Variants in TAS1R1 observed in about 807,000 individuals in gnomAD.
The protein encoded by TAS1R1 is taste receptor type 1 member 1.
A neutral mutation model predicts 45.8 loss-of-function variants in TAS1R1; 31 were observed. The ratio of observed to expected loss-of-function variants is 0.68; its 90% confidence interval spans 0.51 to 0.91. The LOEUF (loss-of-function observed/expected upper bound fraction) is 0.91. Ranked by LOEUF, TAS1R1 falls within the 40% of genes least tolerant of loss-of-function variation. The pLI, the probability that TAS1R1 is intolerant of heterozygous loss-of-function variation, is 0.00. For missense variants in TAS1R1, 1,051 were observed against 1,063.9 expected, an observed-to-expected ratio of 0.99 and a Z score of 0.17; for synonymous variants, 437 against 448.4, an observed-to-expected ratio of 0.97 and a Z score of 0.32.
intron 1 of TAS1R1, among the ~76,000 whole-genome samples, chr1:6,558,591 G>A (rs1413072619): frequency 6.6e-6 from 1 of 152,038 alleles, no homozygotes; most frequent in East Asian, 1.9e-4. Context: ...TTAGTGGCTG[G>A]TGCCTGTAAT....
At chr1:6,564,422 G>A (rs1323450519) in intron 1 of TAS1R1, among the ~76,000 whole-genome samples, 4 of 152,138 alleles carry the variant, frequency 2.6e-5, no homozygotes, top group African/African-American at 4.8e-5. Flanking sequence ...TTTGTAAGAG[G>A]AAAGGGCGTC....
chr1:6,579,624 C>T lies in TAS1R1; in HGVS notation c.*40C>T, dbSNP rs1460835383. ...GGCACGGCTGGCAGCCTTCTCTGCC[C>T]TGAGGGTCGAAGGTCGAGCAGGCCG... On this transcript the variant is annotated 3_prime_UTR_variant, in exon 6 of 6. Transcript: ENST00000333172. The T allele has an allele frequency of 6.4e-7, 1 of 1,567,276 alleles. No homozygotes were observed. The highest frequency in any genetic ancestry group is 8.6e-7 in the Non-Finnish European group (1 of 1,161,630).
chr1:6,579,008 A>G lies in TAS1R1; in HGVS notation c.1950A>G (p.Thr650=). Residue 650 remains threonine, a synonymous_variant, in exon 6 of 6, where the codon ACA becomes ACG. Coordinates refer to ENST00000333172, the MANE Select transcript of TAS1R1 (RefSeq NM_138697.4). ...TCACCATCTTCCTGTCCTGCCTGAC[A>G]GTTCGCTCATTCCAACTAATCATCA... ...LGFTIFLSCL[T]VRSFQLIIIF... The G allele has an allele frequency of 6.2e-7, 1 of 1,613,840 alleles. No individual in the cohort carries two copies.
chr1:6,562,229 C>T (rs7412903), intron 1 of TAS1R1, among the ~76,000 whole-genome samples: 70,229 of 152,158 alleles, frequency 0.46, 18,888 homozygotes, highest in Admixed American at 0.61. Context: ...AGTGTAATGC[C>T]GAGATCCCGG....
Position 6,574,671 on chromosome 1 carries a change from G to T in TAS1R1, c.539G>T (p.Arg180Leu), listed in dbSNP as rs149469671. 1 of 1,613,012 alleles carries T rather than the reference G, an allele frequency of 6.2e-7. No individual in the cohort carries two copies. The highest frequency in any genetic ancestry group is 1.3e-5 in the African/African-American group (1 of 74,922). The part of the protein sequence containing the change: ...AASSETLSVK[R>L]QYPSFLRTIP... ...AGCAGCGAGACGCTCAGCGTGAAGCGGCAGTATCCCTCTTTCCTGCGCACC... is the reference window on the plus strand; with the variant it reads ...AGCAGCGAGACGCTCAGCGTGAAGCTGCAGTATCCCTCTTTCCTGCGCACC... The change falls in exon 3 of 6, where the codon CGG becomes CTG. Residue 180 changes from arginine to leucine, a missense_variant. Transcript: ENST00000333172. The surrounding 1 kb of genome is among the most constrained non-coding windows in gnomAD (Gnocchi z 4.3).
At chr1:6,573,882 C>T (rs1044456034) in intron 2 of TAS1R1, among the ~76,000 whole-genome samples, 7 of 151,992 alleles carry the variant, frequency 4.6e-5, no homozygotes, top group East Asian at 1.9e-4. Flanking sequence ...CCAGGCTGGT[C>T]GCAAACTCCT....
At chr1:6,556,275 G>A (rs1403415540) in intron 1 of TAS1R1, among the ~76,000 whole-genome samples, 1 of 152,140 alleles carries the variant, frequency 6.6e-6, no homozygotes, top group East Asian at 1.9e-4. Flanking sequence ...GGGGTGGGAA[G>A]GGAAGACACA....
chr1:6,576,855 C>G (rs1165688926), intron 4 of TAS1R1, 95 bp from the exon 5 acceptor site: 9 of 1,591,524 alleles, frequency 5.7e-6, no homozygotes, highest in African/African-American at 1.3e-5. Flanking sequence ...GGAGTGAGCC[C>G]TGAGGGCAGA....
chr1:6,556,996 G>A lies in TAS1R1; in HGVS notation c.191+1432G>A, dbSNP rs575086656. On this transcript the variant is annotated intron_variant, in intron 1 of 5. Coordinates refer to ENST00000333172, the MANE Select transcript of TAS1R1 (RefSeq NM_138697.4). ...TGCATTCCAACCCGGGCGACAGAGC[G>A]AGGCTCCATCTCAAAAAAAAAAAAA... 5.6e-5 allele frequency among the ~76,000 whole-genome samples: 7 copies of A among 125,214 alleles called. 1 individual carries two copies. The South Asian group carries it at 1.5e-3, about 26-fold the overall frequency. The allele number at this position is 125,214 out of a possible 152,430, so 82.1% of individuals were successfully genotyped here. A position where few individuals can be genotyped will look rare whatever the true frequency, so the allele number is the denominator to read the frequency against.
chr1:6,561,872 G>A (rs1316265960), intron 1 of TAS1R1, among the ~76,000 whole-genome samples: 4 of 152,160 alleles, frequency 2.6e-5, no homozygotes, highest in Admixed American at 6.5e-5. Context: ...TGGGGGCTAC[G>A]AGGTCCAGTG....
chr1:6,556,709 C>G (rs1322515775), intron 1 of TAS1R1, among the ~76,000 whole-genome samples: 3 of 151,396 alleles, frequency 2.0e-5, no homozygotes, highest in African/African-American at 7.2e-5. Context: ...GCCTGCTTTT[C>G]TTTTAAAGAA....
intron 1 of TAS1R1, among the ~76,000 whole-genome samples, chr1:6,565,147 G>A (rs1315314062): frequency 1.3e-5 from 2 of 152,148 alleles, no homozygotes; most frequent in African/African-American, 2.4e-5. Context: ...GACTGCAGGT[G>A]ATTAAGCATC....
chr1:6,578,636 T>C lies in TAS1R1; in HGVS notation c.1595-17T>C. On this transcript the variant is annotated splice_polypyrimidine_tract_variant and intron_variant, in intron 5 of 5. Coordinates refer to ENST00000333172, the MANE Select transcript of TAS1R1 (RefSeq NM_138697.4). ...GCTCATCTGGCTCTCAGGAACCTTC[T>C]TGGCCTTCCCTTTCAGACCTCTACA... 6.5e-7 allele frequency: 1 copy of C among 1,537,924 alleles called. No individual in the cohort carries two copies. The highest frequency in any genetic ancestry group is 8.8e-7 in the Non-Finnish European group (1 of 1,141,572).
chr1:6,573,881 T>C (rs948801078), intron 2 of TAS1R1, among the ~76,000 whole-genome samples: 14 of 152,000 alleles, frequency 9.2e-5, no homozygotes, highest in Non-Finnish European at 1.9e-4. Flanking sequence ...GCCAGGCTGG[T>C]CGCAAACTCC....
At position 6,556,859 on chromosome 1, in the gene TAS1R1, C is replaced by A. The variant is rs145748108; in HGVS notation, c.191+1295C>A. Among the ~76,000 whole-genome samples the A allele has an allele frequency of 8.8e-3, 1,343 of 151,864 alleles. 15 individuals are homozygous for A. Among genetic ancestry groups the A allele is most frequent in the African/African-American group, 0.029 (1,223 of 41,466 alleles). On this transcript the variant is annotated intron_variant, in intron 1 of 5. Transcript: ENST00000333172. ...CCCTGTCTCTACATAAAATACAACA[C>A]ATTAGCCGGGTGTGGTGGTGTGCAC... is the stretch of plus-strand genomic sequence containing the variant.
Position 6,579,299 on chromosome 1 carries a change from C to G in TAS1R1, c.2241C>G (p.Tyr747Ter). The G allele has an allele frequency of 6.2e-7, 1 of 1,614,220 alleles. No individual in the cohort carries two copies. The highest frequency in any genetic ancestry group is 8.5e-7 in the Non-Finnish European group (1 of 1,180,040). The change falls in exon 6 of 6, where the codon TAC (tyrosine) becomes TAG (stop). Residue 747 changes from tyrosine (Y) to a stop codon, truncating the protein, a stop_gained. Transcript: ENST00000333172. LOFTEE classifies it low-confidence loss of function (END_TRUNC). The part of the protein sequence containing the change: ...LLSISAFACS[Y>*]LGKDLPENYN... The stretch of plus-strand genomic sequence containing the variant: ...CCATCAGTGCCTTTGCCTGCAGCTA[C>G]CTGGGTAAGGACTTGCCAGAGAACT...
intron 1 of TAS1R1, among the ~76,000 whole-genome samples, chr1:6,565,105 G>GGA (rs1431351606): frequency 6.6e-6 from 1 of 152,180 alleles, no homozygotes; most frequent in Non-Finnish European, 1.5e-5. Flanking sequence ...TCAGGATTGA[G>GGA]GAGAGGTTCA....
chr1:6,571,003 A>C lies in TAS1R1; in HGVS notation c.286A>C (p.Ile96Leu), dbSNP rs375786707. 1 of 1,614,150 alleles carries C rather than the reference A, an allele frequency of 6.2e-7. No individual in the cohort carries two copies. Among genetic ancestry groups the C allele is most frequent in the East Asian group, 2.2e-5 (1 of 44,884 alleles). ...INNSTALLPN[I>L]TLGYQLYDVC... ...CAACTCCACGGCCCTGCTGCCCAACATCACCCTGGGGTACCAGCTGTATGA... is the reference window on the plus strand; with the variant it reads ...CAACTCCACGGCCCTGCTGCCCAACCTCACCCTGGGGTACCAGCTGTATGA... The change falls in exon 2 of 6, where the codon ATC becomes CTC. Residue 96 changes from isoleucine (I) to leucine (L), a missense_variant. Ile to Leu is a conservative substitution (Grantham distance 5). Coordinates refer to ENST00000333172, the MANE Select transcript of TAS1R1 (RefSeq NM_138697.4).
Position 6,575,158 on chromosome 1 carries a change from C to A in TAS1R1, c.1026C>A (p.Ala342=). Residue 342 remains alanine, a synonymous_variant, in exon 3 of 6, where the codon GCC becomes GCA. Transcript: ENST00000333172. ...TGAAGGCGTTTGAAGAAGCCTATGC[C>A]CGGGCAGACAAGAAGGCCCCTAGGC... The part of the protein sequence containing the change: ...PGLKAFEEAY[A]RADKKAPRPC... The A allele has an allele frequency of 1.3e-6, 2 of 1,594,362 alleles. No homozygotes were observed. Among genetic ancestry groups the A allele is most frequent in the South Asian group, 1.1e-5 (1 of 87,930 alleles).
Sources: allele counts gnomAD v4.1 joint callset (sites outside exome capture counted in the v4.1 genomes callset), GRCh38; gene constraint gnomAD v4.1.1; non-coding constraint Gnocchi (gnomAD v3.1); transcripts MANE v1.5; gene names NCBI Gene and HGNC (gene_info 2026-07-23, HGNC 2026-07-21).